Variants in GPHN observed in about 807,000 individuals in gnomAD.
GPHN encodes the protein gephyrin.
A neutral mutation model predicts 95.5 loss-of-function variants in GPHN; 17 were observed. The ratio of observed to expected loss-of-function variants is 0.18; its 90% confidence interval spans 0.12 to 0.27. The LOEUF (loss-of-function observed/expected upper bound fraction) is 0.27. Among genes scored for constraint, GPHN ranks in the 10% least tolerant of loss-of-function variants. The pLI is 1.00. For synonymous variants in GPHN, 320 were observed against 322.5 expected (o/e 0.99, Z 0.08); for missense variants, 660 against 978.1 (o/e 0.67, Z 4.34).
At chr14:66,977,024 A>G (rs1028060902) in intron 9 of GPHN, among the ~76,000 whole-genome samples, 16 of 152,114 alleles carry the variant, frequency 1.1e-4, no homozygotes, top group Admixed American at 5.9e-4. Flanking sequence ...TCAGTACTGT[A>G]ATGAGCAATG....
At chr14:67,703,429 T>C in the GPHN span, among the ~76,000 whole-genome samples, 1 of 152,188 alleles carries the variant, frequency 6.6e-6, no homozygotes, top group Non-Finnish European at 1.5e-5. Context: ...AAAAACAAAA[T>C]TTCTAAGTCT....
chr14:66,965,511 A>G (rs1476806597), intron 9 of GPHN, among the ~76,000 whole-genome samples, 186 bp downstream of exon 9: 1 of 152,218 alleles, frequency 6.6e-6, no homozygotes, highest in Admixed American at 6.5e-5. Context: ...TAGTAGGACA[A>G]TACAGATTTC....
chr14:66,617,122 GA>G (rs1398770793), intron 1 of GPHN, among the ~76,000 whole-genome samples: 2 of 152,208 alleles, frequency 1.3e-5, no homozygotes, highest in African/African-American at 4.8e-5. Flanking sequence ...CCACCAGGAG[GA>G]AAGGCTAAGT....
chr14:67,032,216 G>C (rs187983121), intron 10 of GPHN, among the ~76,000 whole-genome samples: 2 of 152,204 alleles, frequency 1.3e-5, no homozygotes, highest in East Asian at 3.9e-4. Flanking sequence ...CAATATTCTA[G>C]CTTTTCAGAG....
At chr14:66,977,221 G>A (rs1275470255) in intron 9 of GPHN, among the ~76,000 whole-genome samples, 1 of 152,138 alleles carries the variant, frequency 6.6e-6, no homozygotes, top group Non-Finnish European at 1.5e-5. Flanking sequence ...CACGAGGCCA[G>A]GAGATCGAGA....
chr14:67,611,128 C>T, the GPHN span: 1,057 of 153,560 alleles, frequency 6.9e-3, 9 homozygotes, highest in Non-Finnish European at 7.8e-3. Flanking sequence ...CCACTGATGG[C>T]GGCCGTCATC....
At chr14:66,987,046 A>T (rs2071075468) in intron 9 of GPHN, among the ~76,000 whole-genome samples, 2 of 152,106 alleles carry the variant, frequency 1.3e-5, no homozygotes, top group Non-Finnish European at 2.9e-5. Flanking sequence ...ATGTTATTTC[A>T]CCAAGGATAA....
intron 2 of GPHN, among the ~76,000 whole-genome samples, chr14:66,740,009 A>G (rs2153439360): frequency 6.6e-6 from 1 of 152,290 alleles, no homozygotes; most frequent in East Asian, 1.9e-4. Context: ...AGCAGAACAG[A>G]TACAATTGAA....
At chr14:66,703,493 C>T (rs892875751) in intron 2 of GPHN, among the ~76,000 whole-genome samples, 15 of 152,338 alleles carry the variant, frequency 9.8e-5, no homozygotes, top group African/African-American at 3.4e-4. Flanking sequence ...CAATATTCAA[C>T]ATTCTTAAAG....
chr14:66,758,080 G>A (rs563368454), intron 2 of GPHN, among the ~76,000 whole-genome samples: 1 of 152,158 alleles, frequency 6.6e-6, no homozygotes, highest in Admixed American at 6.5e-5. Flanking sequence ...AAAGGTTAAA[G>A]TGAAGACACC....
intron 4 of GPHN, among the ~76,000 whole-genome samples, chr14:66,828,115 C>A (rs923462570): frequency 1.3e-5 from 2 of 151,748 alleles, no homozygotes; most frequent in Admixed American, 6.6e-5. Flanking sequence ...ATAACTTGAT[C>A]TTTAATAGGT....
At chr14:67,701,425 C>CTTTTT in the GPHN span, among the ~76,000 whole-genome samples, 9 of 71,104 alleles carry the variant, frequency 1.3e-4, no homozygotes, top group East Asian at 7.2e-4. Flanking sequence ...ATTATAATTT[C>CTTTTT]TTTTTTTTTT....
intron 8 of GPHN, among the ~76,000 whole-genome samples, chr14:66,925,430 A>C (rs982799834): frequency 7.9e-5 from 12 of 151,630 alleles, no homozygotes; most frequent in Non-Finnish European, 1.2e-4. Flanking sequence ...CCCCCTACCC[A>C]CCCTCTCCAC....
At chr14:66,718,719 G>T (rs1278689806) in intron 2 of GPHN, among the ~76,000 whole-genome samples, 1 of 152,132 alleles carries the variant, frequency 6.6e-6, no homozygotes, top group East Asian at 1.9e-4. Context: ...TAGACACAGA[G>T]TGCTGATTGG....
intron 1 of GPHN, among the ~76,000 whole-genome samples, chr14:66,634,493 C>CCA (rs2063995084): frequency 6.6e-6 from 1 of 152,058 alleles, no homozygotes; most frequent in African/African-American, 2.4e-5. Context: ...CTCTAGGTGT[C>CCA]ACGTGGGGGC....
the GPHN span, chr14:67,201,849 T>G: frequency 5.5e-6 from 1 of 182,166 alleles, no homozygotes; most frequent in Non-Finnish European, 1.2e-5. Flanking sequence ...GTAGCTCCTC[T>G]CTGCCTTCCT....
the GPHN span, among the ~76,000 whole-genome samples, chr14:67,617,771 A>G: frequency 6.6e-6 from 1 of 152,042 alleles, no homozygotes; most frequent in African/African-American, 2.4e-5. Flanking sequence ...CCCAGGCTGG[A>G]GTGTAATGGC....
the GPHN span, among the ~76,000 whole-genome samples, chr14:67,197,545 T>C: frequency 2.0e-5 from 3 of 149,300 alleles, no homozygotes; most frequent in Admixed American, 6.7e-5. Flanking sequence ...AGTGGTCCCC[T>C]TGGCAGCAGG....
chr14:67,458,071 G>A, the GPHN span, among the ~76,000 whole-genome samples: 6 of 152,228 alleles, frequency 3.9e-5, no homozygotes, highest in Admixed American at 2.0e-4. Context: ...TGGCCAATCC[G>A]TTGTGACAGG....
Sources: gnomAD v4.1 joint callset for allele counts (sites outside exome capture counted in the v4.1 genomes callset) on GRCh38, gnomAD v4.1.1 for gene constraint, MANE v1.5 for transcripts, NCBI Gene and HGNC (gene_info 2026-07-23, HGNC 2026-07-21) for gene names.